The following SNX5 variants were observed in gnomAD, a reference collection of about 807,000 sequenced individuals.
SNX5 encodes the protein sorting nexin-5.
A neutral mutation model predicts 53.9 loss-of-function variants in SNX5; 31 were observed. The observed-to-expected ratio is 0.58, with a 90% confidence interval of 0.43 to 0.78. The LOEUF (loss-of-function observed/expected upper bound fraction) is 0.78. Ranked by LOEUF, SNX5 falls within the 30% of genes least tolerant of loss-of-function variation. The pLI is 0.00. For missense variants in SNX5, 471 were observed against 478.8 expected (o/e 0.98, Z 0.15); for synonymous variants, 168 against 171.1 (o/e 0.98, Z 0.14).
intron 2 of SNX5, among the ~76,000 whole-genome samples, chr20:17,956,014 C>A (rs966932362): frequency 6.6e-6 from 1 of 152,136 alleles, no homozygotes; most frequent in Non-Finnish European, 1.5e-5. Flanking sequence ...CAGGCTCAAA[C>A]GATCTGCCCA....
chr20:17,965,246 C>T (rs1337420634), intron 1 of SNX5, among the ~76,000 whole-genome samples: 2 of 152,126 alleles, frequency 1.3e-5, no homozygotes, highest in Non-Finnish European at 2.9e-5. Context: ...TAGCAGAGGC[C>T]AAAAACAGTT....
chr20:17,948,056 GCTT>G (rs1351448762), intron 10 of SNX5, among the ~76,000 whole-genome samples: 1 of 152,186 alleles, frequency 6.6e-6, no homozygotes, highest in African/African-American at 2.4e-5. Context: ...TGCAAATCCT[GCTT>G]CTGGTAATCT....
chr20:17,951,877 T>C (rs993427541), intron 5 of SNX5, among the ~76,000 whole-genome samples: 1 of 152,200 alleles, frequency 6.6e-6, no homozygotes, highest in African/African-American at 2.4e-5. Context: ...TTCTCTTCTA[T>C]CCATATTAAG....
chr20:17,942,498 G>T, intron 12 of SNX5, 91 bp from the exon 13 acceptor site: 1 of 1,008,644 alleles, frequency 9.9e-7, no homozygotes, highest in Non-Finnish European at 1.6e-6. Flanking sequence ...GGCTTTTCAC[G>T]GGAGGTTTAA....
rs73898720 is a variant in SNX5, at chr20:17,950,013, C to G, written c.791+119G>C. On this transcript the variant is annotated intron_variant, in intron 8 of 12. Transcript: ENST00000377759. ...TGTAAGATGAGTGCTAGAGACTTGT[C>G]TTACTGAGCTTGTAACTCCAGAGCA... 3.4e-3 allele frequency: 2,677 copies of G among 791,038 alleles called. 44 individuals carry two copies. The African/African-American group carries it at 0.039, about 12-fold the overall frequency. 49.0% of individuals were successfully genotyped at this position (791,038 alleles called of 1,614,324 possible).
chr20:17,959,148 A>G (rs3790295), intron 1 of SNX5, among the ~76,000 whole-genome samples: 41,453 of 152,074 alleles, frequency 0.27, 5,990 homozygotes, highest in East Asian at 0.44. Context: ...GAGCCTGTGA[A>G]CTCCACATGG....
intron 4 of SNX5, among the ~76,000 whole-genome samples, chr20:17,953,347 C>A (rs968606137): frequency 2.6e-5 from 4 of 152,174 alleles, no homozygotes; most frequent in African/African-American, 9.7e-5. Flanking sequence ...AGGATGGATT[C>A]ATAAGAAACT....
At chr20:17,955,529 T>A (rs150515099) in intron 2 of SNX5, 54 bp from the exon 3 acceptor site, 24,659 of 1,271,378 alleles carry the variant, frequency 0.019, 334 homozygotes, top group Middle Eastern at 0.032. Flanking sequence ...ATAAGTGATC[T>A]GGGTTTCCTA....
At position 17,947,604 on chromosome 20, in the gene SNX5, C is replaced by G. The variant is rs772163613; in HGVS notation, c.960G>C (p.Glu320Asp). The change falls in exon 11 of 13, where the codon GAG becomes GAC. Residue 320 changes from glutamate (E) to aspartate (D), a missense_variant. Transcript: ENST00000377759. ...CCTTATCCAGAGCTTTGTTTGAGTT[C>G]TCATAGTCAATGAGGGCTTTGGTGC... ...YRRTKALIDY[E>D]NSNKALDKAR... The G allele has an allele frequency of 1.2e-6, 2 of 1,613,962 alleles. No homozygotes were observed. The highest frequency in any genetic ancestry group is 2.2e-5 in the South Asian group (2 of 91,060).
At chr20:17,961,871 TG>T in intron 1 of SNX5, 1 of 985,440 alleles carries the variant, frequency 1.0e-6, no homozygotes, top group Non-Finnish European at 1.2e-6. Flanking sequence ...GATTTTCAGC[TG>T]GAAAGATATC....
chr20:17,946,830 G>A (rs2039493784), intron 11 of SNX5, among the ~76,000 whole-genome samples: 1 of 152,076 alleles, frequency 6.6e-6, no homozygotes, highest in African/African-American at 2.4e-5. Flanking sequence ...AACTGGATTT[G>A]GATACTATCT....
At chr20:17,958,188 T>C (rs974520617) in intron 1 of SNX5, among the ~76,000 whole-genome samples, 2 of 152,162 alleles carry the variant, frequency 1.3e-5, no homozygotes, top group African/African-American at 2.4e-5. Context: ...TTCCTTTTAC[T>C]GTAAGGAGTG....
chr20:17,961,700 T>C (rs2035453161), intron 1 of SNX5: 1 of 985,092 alleles, frequency 1.0e-6, no homozygotes, highest in Non-Finnish European at 1.2e-6. Flanking sequence ...CATGCTACAG[T>C]GTCTTCTCTT....
At chr20:17,967,921 GTTGT>G (rs952846734) in intron 1 of SNX5, 91 of 394,322 alleles carry the variant, frequency 2.3e-4, no homozygotes, top group Non-Finnish European at 3.5e-4. Context: ...AATTTCCCAA[GTTGT>G]TTGGGCCCCC....
chr20:17,958,727 G>A (rs759834701), intron 1 of SNX5, among the ~76,000 whole-genome samples: 4 of 152,154 alleles, frequency 2.6e-5, no homozygotes, highest in Admixed American at 1.3e-4. Flanking sequence ...CAAGGTCTGC[G>A]ACTTCATTTG....
rs764131449 is a variant in SNX5, at chr20:17,942,197, C to G, written c.*160G>C. 3.3e-6 allele frequency: 2 copies of G among 605,068 alleles called. No homozygotes were observed. Among genetic ancestry groups the G allele is most frequent in the Admixed American group, 3.0e-5 (1 of 33,822 alleles). The allele number at this position is 605,068 out of a possible 1,614,324, so 37.5% of individuals were successfully genotyped here. On this transcript the variant is annotated 3_prime_UTR_variant, in exon 13 of 13. Coordinates refer to ENST00000377759, the MANE Select transcript of SNX5 (RefSeq NM_014426.4). ...AGTAGCAAGCAATAATATTTTTAAA[C>G]CAACATGGTTAAATGTTAAGATTTG...
chr20:17,946,867 G>A (rs763764107), intron 11 of SNX5, among the ~76,000 whole-genome samples: 27 of 152,270 alleles, frequency 1.8e-4, no homozygotes, highest in Non-Finnish European at 3.2e-4. Flanking sequence ...TTACCACCAC[G>A]AATGAAGGAG....
At position 17,947,235 on chromosome 20, in the gene SNX5, C is replaced by T. The variant is rs990270875; in HGVS notation, c.1078+251G>A. The stretch of plus-strand genomic sequence containing the variant: ...TTCAGTCTTAGGAAATAAACCACAA[C>T]GTTTTTAGGGCTAAAAGAAGCATGA... On this transcript the variant is annotated intron_variant, in intron 11 of 12. Coordinates refer to ENST00000377759, the MANE Select transcript of SNX5 (RefSeq NM_014426.4). The T allele has an allele frequency of 5.3e-5, 23 of 431,552 alleles. No homozygotes were observed. The South Asian group carries it at 5.7e-4, about 11-fold the overall frequency. The allele number at this position is 431,552 out of a possible 1,614,324, so 26.7% of individuals were successfully genotyped here.
At chr20:17,960,361 G>A (rs2035427084) in intron 1 of SNX5, among the ~76,000 whole-genome samples, 1 of 151,874 alleles carries the variant, frequency 6.6e-6, no homozygotes, top group South Asian at 2.1e-4. Context: ...TTTGGGAGGT[G>A]GAGGCAGCTA....
Sources: gnomAD v4.1 joint callset for allele counts (sites outside exome capture counted in the v4.1 genomes callset) on GRCh38, gnomAD v4.1.1 for gene constraint, MANE v1.5 for transcripts, NCBI Gene and HGNC (gene_info 2026-07-23, HGNC 2026-07-21) for gene names.